TRIM24: variants seen among roughly 807,000 people sequenced by gnomAD.
The protein encoded by TRIM24 is transcription intermediary factor 1-alpha.
Under a neutral mutation model 123.9 loss-of-function variants are expected in TRIM24, and 29 were observed. That is an observed-to-expected ratio of 0.23 (90% CI 0.17 to 0.32). The LOEUF (loss-of-function observed/expected upper bound fraction) is 0.32. Among genes scored for constraint, TRIM24 ranks in the 10% least tolerant of loss-of-function variants. TRIM24 has a pLI of 1.00. For synonymous variants in TRIM24, 456 were observed against 461.1 expected (o/e 0.99, Z 0.14); for missense variants, 932 against 1,295.3 (o/e 0.72, Z 4.31).
intron 12 of TRIM24, among the ~76,000 whole-genome samples, chr7:138,574,504 A>G (rs1379252585): frequency 3.3e-5 from 5 of 152,232 alleles, no homozygotes; most frequent in Non-Finnish European, 1.5e-5. Context: ...GGTATTGCCA[A>G]AGGACATGAT....
At chr7:138,565,380 A>AACCTT (rs1797515117) in intron 9 of TRIM24, among the ~76,000 whole-genome samples, 1 of 152,000 alleles carries the variant, frequency 6.6e-6, no homozygotes, top group African/African-American at 2.4e-5. Context: ...CTCGGGCTCA[A>AACCTT]ACCTTACCAC....
chr7:138,570,382 G>A (rs548019363), intron 10 of TRIM24, among the ~76,000 whole-genome samples: 3 of 152,066 alleles, frequency 2.0e-5, no homozygotes, highest in East Asian at 3.9e-4. Context: ...GATATTTATC[G>A]AGGCCTAATT....
intron 16 of TRIM24, 115 bp downstream of exon 16, chr7:138,580,809 GTATT>G (rs978631356): frequency 2.9e-6 from 3 of 1,018,534 alleles, no homozygotes; most frequent in Non-Finnish European, 1.3e-6. Context: ...TTATTTAAGA[GTATT>G]TTTTTTTGTT....
At chr7:138,508,308 T>A (rs1796193180) in intron 2 of TRIM24, among the ~76,000 whole-genome samples, 1 of 152,144 alleles carries the variant, frequency 6.6e-6, no homozygotes, top group Admixed American at 6.5e-5. Context: ...CTGGTTCCGT[T>A]GTGGGAGAAG....
intron 2 of TRIM24, among the ~76,000 whole-genome samples, chr7:138,507,315 A>G (rs895645314): frequency 1.3e-5 from 2 of 151,412 alleles, no homozygotes; most frequent in African/African-American, 2.4e-5. Context: ...CAACCACTAG[A>G]TTACATTGAT....
chr7:138,567,598 G>A lies in TRIM24; in HGVS notation c.1648G>A (p.Ala550Thr), dbSNP rs1309828141. 1.2e-6 allele frequency: 2 copies of A among 1,613,596 alleles called. No homozygotes were observed. The highest frequency in any genetic ancestry group is 1.7e-6 in the Non-Finnish European group (2 of 1,179,786). ...YPPNQNIPRQ[A>T]IKPNPLQMAF... ...ACCAAACCAGAACATACCACGACAA[G>A]CAATAAAGCCAAACCCCCTACAGAT... The change falls in exon 10 of 19, where the codon GCA becomes ACA. Residue 550 changes from alanine to threonine, a missense_variant. By Grantham distance (58) the Ala-to-Thr change is moderately conservative (BLOSUM62 0). Around this residue, in one of 7 missense-constraint regions of TRIM24, gnomAD observed 527 missense variants for 691.3 expected, o/e 0.76. Coordinates refer to ENST00000343526, the MANE Select transcript of TRIM24 (RefSeq NM_015905.3).
chr7:138,460,860 C>T lies in TRIM24; in HGVS notation c.312C>T (p.Pro104=). The T allele has an allele frequency of 3.2e-6, 5 of 1,551,966 alleles. No individual in the cohort carries two copies. Among genetic ancestry groups the T allele is most frequent in the Non-Finnish European group, 4.3e-6 (5 of 1,158,198 alleles). The change falls in exon 1 of 19, where the codon CCC becomes CCT. Residue 104 remains proline, a synonymous_variant. Transcript: ENST00000343526. ...PMLGSAETPP[P]VPAPGSPVSG... is the part of the protein sequence containing the mutation. ...TGGGCTCGGCCGAGACCCCGCCACC[C>T]GTCCCTGCCCCCGGCTCGCCGGTCA...
rs1326463155 is a variant in TRIM24 at position 138,576,403 on chromosome 7, C to G, written c.2045C>G (p.Pro682Arg). 1.2e-6 allele frequency: 2 copies of G among 1,613,842 alleles called. No homozygotes were observed. The highest frequency in any genetic ancestry group is 1.7e-6 in the Non-Finnish European group (2 of 1,179,808). ...GPVTMTSVHP[P>R]IRSPSASSVG... ...GTTACTATGACTAGTGTACACCCCC[C>G]AATACGTTCACCTAGTGCCTCCAGC... Residue 682 changes from proline to arginine, a missense_variant, in exon 13 of 19, where the codon CCA becomes CGA. Transcript: ENST00000343526.
chr7:138,486,173 T>G (rs558025566), intron 1 of TRIM24, among the ~76,000 whole-genome samples: 3 of 152,218 alleles, frequency 2.0e-5, no homozygotes, highest in African/African-American at 7.2e-5. Flanking sequence ...TTTGCCCACT[T>G]TTTGATGGGG....
At chr7:138,532,592 A>G (rs1443870183) in intron 6 of TRIM24, among the ~76,000 whole-genome samples, 1 of 152,164 alleles carries the variant, frequency 6.6e-6, no homozygotes, top group Non-Finnish European at 1.5e-5. Flanking sequence ...TGGTACCAGT[A>G]CCATGCTGTT....
chr7:138,500,241 A>T (rs1475922649), intron 1 of TRIM24, among the ~76,000 whole-genome samples: 1 of 152,088 alleles, frequency 6.6e-6, no homozygotes, highest in Non-Finnish European at 1.5e-5. Flanking sequence ...AAACCCAAAA[A>T]CTTGAAACAT....
intron 2 of TRIM24, chr7:138,514,328 G>C (rs1326850758): frequency 6.6e-6 from 1 of 152,186 alleles, no homozygotes; most frequent in Non-Finnish European, 1.5e-5. Context: ...TGTAGCCATT[G>C]TGACATAAAA....
chr7:138,577,246 A>G (rs1797779066), intron 13 of TRIM24, among the ~76,000 whole-genome samples, 174 bp from the exon 14 acceptor site: 1 of 152,258 alleles, frequency 6.6e-6, no homozygotes, highest in Non-Finnish European at 1.5e-5. Flanking sequence ...AAACATTTTT[A>G]TCATAAATGA....
At chr7:138,552,197 T>C (rs1584734720) in intron 8 of TRIM24, among the ~76,000 whole-genome samples, 1 of 152,290 alleles carries the variant, frequency 6.6e-6, no homozygotes, top group Admixed American at 6.5e-5. Flanking sequence ...AGGTGTGTAG[T>C]AGGCTATACA....
chr7:138,499,209 T>C (rs555064534), intron 1 of TRIM24, among the ~76,000 whole-genome samples: 1 of 152,312 alleles, frequency 6.6e-6, no homozygotes, highest in East Asian at 1.9e-4. Context: ...TCTCACTTTA[T>C]CTCTTGTAAA....
At chr7:138,507,825 TG>T (rs1231293878) in intron 2 of TRIM24, among the ~76,000 whole-genome samples, 2 of 151,800 alleles carry the variant, frequency 1.3e-5, no homozygotes, top group East Asian at 1.9e-4. Context: ...CCCAGCTAGT[TG>T]GGAGGCTGAG....
At chr7:138,486,674 G>A (rs1170727850) in intron 1 of TRIM24, among the ~76,000 whole-genome samples, 1 of 152,022 alleles carries the variant, frequency 6.6e-6, no homozygotes, top group East Asian at 1.9e-4. Flanking sequence ...TCTGAGGCCT[G>A]TATTCTGTCC....
intron 1 of TRIM24, among the ~76,000 whole-genome samples, chr7:138,491,855 C>T (rs1005965257): frequency 6.6e-6 from 1 of 152,042 alleles, no homozygotes; most frequent in Non-Finnish European, 1.5e-5. Context: ...TGGATGAGAG[C>T]CATCCCTAGT....
chr7:138,514,987 G>A (rs1208555388), intron 2 of TRIM24: 2 of 394,360 alleles, frequency 5.1e-6, no homozygotes, highest in Non-Finnish European at 9.1e-6. Context: ...GAAATATTTG[G>A]GATGCTGAAT....
Sources: gnomAD v4.1 joint callset for allele counts (sites outside exome capture counted in the v4.1 genomes callset) on GRCh38, gnomAD v4.1.1 for gene constraint, gnomAD v4.1.1 regional missense constraint, MANE v1.5 for transcripts, NCBI Gene and HGNC (gene_info 2026-07-23, HGNC 2026-07-21) for gene names.